The following FBXO7 variants were observed in gnomAD, a reference collection of about 807,000 sequenced individuals.
FBXO7 encodes the protein F-box only protein 7.
Under a neutral mutation model 50.2 loss-of-function variants are expected in FBXO7, and 31 were observed. The observed-to-expected ratio is 0.62, with a 90% confidence interval of 0.46 to 0.83. FBXO7 has a LOEUF of 0.83. FBXO7 is among the 40% of genes least tolerant of loss of function. The pLI, the probability that FBXO7 is intolerant of heterozygous loss-of-function variation, is 0.00. For missense variants in FBXO7, 667 were observed against 646.6 expected (o/e 1.03, Z -0.34); for synonymous variants, 256 against 253.1 (o/e 1.01, Z -0.11).
chr22:32,490,850 G>C (rs1474574955), intron 5 of FBXO7: 9 of 481,376 alleles, frequency 1.9e-5, no homozygotes, highest in Non-Finnish European at 3.4e-5. Flanking sequence ...CTATGAGCTA[G>C]AGAGGTTGGG....
chr22:32,486,635 C>T (rs2057500627), intron 4 of FBXO7, among the ~76,000 whole-genome samples: 1 of 152,154 alleles, frequency 6.6e-6, no homozygotes, highest in East Asian at 1.9e-4. Flanking sequence ...TGCCTGGCCT[C>T]TTACGAAATT....
Position 32,495,503 on chromosome 22 carries a change from C to G in FBXO7, c.1155C>G (p.Val385=), listed in dbSNP as rs1470345400. The G allele has an allele frequency of 1.0e-5, 16 of 1,575,592 alleles. No homozygotes were observed. Among genetic ancestry groups the G allele is most frequent in the Non-Finnish European group, 1.3e-5 (15 of 1,147,800 alleles). ...CCTTTTCCTTTGTAGACAATACTGTCAGAGTTCAAGACACAGATTGGAAAG... is the reference window on the plus strand; with the variant it reads ...CCTTTTCCTTTGTAGACAATACTGTGAGAGTTCAAGACACAGATTGGAAAG... ...LYLRDFRDNT[V]RVQDTDWKEL... is the part of the protein sequence containing the mutation. Residue 385 remains valine, a synonymous_variant, in exon 8 of 9, where the codon GTC becomes GTG. Coordinates refer to ENST00000266087, the MANE Select transcript of FBXO7 (RefSeq NM_012179.4).
chr22:32,475,225 G>C, intron 1 of FBXO7, 101 bp downstream of exon 1: 1 of 1,515,704 alleles, frequency 6.6e-7, no homozygotes. Flanking sequence ...GCGCGGGCGT[G>C]GCCGGGCGAT....
intron 8 of FBXO7, among the ~76,000 whole-genome samples, chr22:32,496,345 G>C (rs1181201538): frequency 6.6e-6 from 1 of 152,132 alleles, no homozygotes; most frequent in African/African-American, 2.4e-5. Flanking sequence ...AGCCGGATGT[G>C]GTGGTGTGGA....
chr22:32,489,878 T>C (rs1157126797), intron 5 of FBXO7: 5 of 152,242 alleles, frequency 3.3e-5, no homozygotes, highest in Admixed American at 3.3e-4. Flanking sequence ...ATCCTTTTAT[T>C]TATAAGTTCC....
At chr22:32,482,874 T>C (rs972032578) in intron 2 of FBXO7, among the ~76,000 whole-genome samples, 2 of 152,232 alleles carry the variant, frequency 1.3e-5, no homozygotes, top group East Asian at 3.8e-4. Context: ...TGCAGATATG[T>C]AATCAGAAAA....
rs1411104257 is a variant in FBXO7 at position 32,475,073 on chromosome 22, G to A, written c.71G>A (p.Gly24Glu). The change falls in exon 1 of 9, where the codon GGG becomes GAG. Residue 24 changes from glycine (G) to glutamate (E), a missense_variant. By Grantham distance (98) the Gly-to-Glu change is moderately conservative (BLOSUM62 -2). Transcript: ENST00000266087. ...GTGCCCGAGACGGAGCCGACGCTGGGGCATTTGCGCTCGCACCTGAGGCAG... is the reference window on the plus strand; with the variant it reads ...GTGCCCGAGACGGAGCCGACGCTGGAGCATTTGCGCTCGCACCTGAGGCAG... ...LEVPETEPTL[G>E]HLRSHLRQSL... 1 of 1,546,524 alleles carries A rather than the reference G, an allele frequency of 6.5e-7. No homozygotes were observed. Among genetic ancestry groups the A allele is most frequent in the Non-Finnish European group, 8.7e-7 (1 of 1,146,140 alleles).
At chr22:32,494,374 T>C (rs1422067280) in intron 7 of FBXO7, among the ~76,000 whole-genome samples, 2 of 152,152 alleles carry the variant, frequency 1.3e-5, no homozygotes, top group Non-Finnish European at 2.9e-5. Flanking sequence ...AGACAGGGTC[T>C]AGTTGTGTTG....
chr22:32,493,023 G>T, intron 6 of FBXO7, 82 bp from the exon 7 acceptor site: 1 of 1,348,160 alleles, frequency 7.4e-7, no homozygotes. Context: ...AAAGGAACAA[G>T]TGGCAACTTT....
intron 2 of FBXO7, among the ~76,000 whole-genome samples, chr22:32,479,486 C>T (rs1009790733): frequency 3.3e-5 from 5 of 151,114 alleles, no homozygotes; most frequent in African/African-American, 1.2e-4. Context: ...CAACCTCTGC[C>T]TCCCAGTTCA....
intron 3 of FBXO7, among the ~76,000 whole-genome samples, 155 bp from the exon 4 acceptor site, chr22:32,484,913 A>G (rs2057488754): frequency 6.6e-6 from 1 of 152,232 alleles, no homozygotes; most frequent in Non-Finnish European, 1.5e-5. Flanking sequence ...CCTACAATAT[A>G]AAATATATTG....
chr22:32,475,497 C>T (rs1460892424), intron 1 of FBXO7: 2 of 1,497,716 alleles, frequency 1.3e-6, no homozygotes, highest in Non-Finnish European at 9.1e-7. Context: ...AAATGATGAG[C>T]TTGGCTTGGG....
At position 32,491,118 on chromosome 22, in the gene FBXO7, C is replaced by T; in HGVS notation, c.904C>T (p.Gln302Ter). The T allele has an allele frequency of 6.2e-7, 1 of 1,613,488 alleles. No homozygotes were observed. Among genetic ancestry groups the T allele is most frequent in the Non-Finnish European group, 8.5e-7 (1 of 1,179,490 alleles). Reference sequence around the variant, plus strand: ...TGTAGCCAACATATACAAAGATCTTCAGAAACTCTCTCGCCTCTTTAAAGA... The same window carrying T: ...TGTAGCCAACATATACAAAGATCTTTAGAAACTCTCTCGCCTCTTTAAAGA... ...ENVANIYKDL[Q>*]KLSRLFKDQL... The change falls in exon 6 of 9, where the codon CAG becomes TAG. Residue 302 changes from glutamine (Q) to a stop codon, truncating the protein, a stop_gained. Transcript: ENST00000266087. LOFTEE classifies it high-confidence loss of function.
At chr22:32,493,969 T>C (rs2057555459) in intron 7 of FBXO7, among the ~76,000 whole-genome samples, 1 of 152,104 alleles carries the variant, frequency 6.6e-6, no homozygotes, top group Admixed American at 6.5e-5. Context: ...ATTTCAATTA[T>C]GTATAGGTAG....
chr22:32,494,151 A>G (rs1241686150), intron 7 of FBXO7, among the ~76,000 whole-genome samples: 2 of 144,112 alleles, frequency 1.4e-5, no homozygotes, highest in African/African-American at 2.5e-5. Context: ...AGTCATTTGG[A>G]TTGCTAAAAT....
intron 8 of FBXO7, among the ~76,000 whole-genome samples, chr22:32,497,122 G>A (rs181976659): frequency 0.011 from 1,643 of 152,304 alleles, 25 homozygotes; most frequent in African/African-American, 0.038. Context: ...ATGAGAACTT[G>A]CTTCTTACGG....
rs373889172 is a variant in FBXO7 at position 32,478,933 on chromosome 22, T to C, written c.123-48T>C. On this transcript the variant is annotated intron_variant, in intron 1 of 8. Coordinates refer to ENST00000266087, the MANE Select transcript of FBXO7 (RefSeq NM_012179.4). Reference sequence around the variant, plus strand: ...TATGCTTCAGATGTGCTATTGAAGGTATTAGAAGTAGGTAGTTCTTACTAT... The same window carrying C: ...TATGCTTCAGATGTGCTATTGAAGGCATTAGAAGTAGGTAGTTCTTACTAT... 577 of 1,519,426 alleles carry C rather than the reference T, an allele frequency of 3.8e-4. 11 individuals are homozygous for C. The South Asian group carries it at 5.8e-3, about 15-fold the overall frequency. 94.1% of individuals were successfully genotyped at this position (1,519,426 alleles called of 1,614,324 possible).
At chr22:32,475,557 G>GA in intron 1 of FBXO7, 1 of 912,968 alleles carries the variant, frequency 1.1e-6, no homozygotes, top group South Asian at 2.1e-5. Flanking sequence ...TTCAGCTGTT[G>GA]GAGTATTTCA....
chr22:32,498,550 C>G lies in FBXO7; in HGVS notation c.*20C>G, dbSNP rs751832193. On this transcript the variant is annotated 3_prime_UTR_variant, in exon 9 of 9. Transcript: ENST00000266087. ...ATGTGATTGATTTGTAATTTCATTT[C>G]TGGAGCTCCATTTGTTTTTGTTTCT... The G allele has an allele frequency of 6.2e-7, 1 of 1,607,386 alleles. No individual in the cohort carries two copies. Among genetic ancestry groups the G allele is most frequent in the Non-Finnish European group, 8.5e-7 (1 of 1,179,002 alleles).
Sources: gnomAD v4.1 joint callset for allele counts (sites outside exome capture counted in the v4.1 genomes callset) on GRCh38, gnomAD v4.1.1 for gene constraint, MANE v1.5 for transcripts, NCBI Gene and HGNC (gene_info 2026-07-23, HGNC 2026-07-21) for gene names.